The following DCAF7 variants were observed in gnomAD, a reference collection of about 807,000 sequenced individuals.
The protein encoded by DCAF7 is DDB1 and CUL4 associated factor 7.
A neutral mutation model predicts 41.2 loss-of-function variants in DCAF7; 4 were observed. The observed-to-expected ratio is 0.10, with a 90% CI of 0.05 to 0.22. DCAF7 has a LOEUF of 0.22. Ranked by LOEUF, DCAF7 falls within the 10% of genes least tolerant of loss-of-function variation. DCAF7 has a pLI of 1.00. For missense variants in DCAF7, 131 were observed against 443.2 expected, an observed-to-expected ratio of 0.30 and a Z score of 6.32; for synonymous variants, 143 against 164.2, an observed-to-expected ratio of 0.87 and a Z score of 0.99.
intron 1 of DCAF7, among the ~76,000 whole-genome samples, chr17:63,556,256 G>A (rs2033309381): frequency 6.6e-6 from 1 of 152,186 alleles, no homozygotes; most frequent in Admixed American, 6.5e-5. Flanking sequence ...TTCTTCTTCT[G>A]CACTAGGACT....
intron 2 of DCAF7, 128 bp from the exon 3 acceptor site, chr17:63,579,209 G>A: frequency 3.1e-6 from 2 of 642,226 alleles, no homozygotes; most frequent in Non-Finnish European, 5.3e-6. Flanking sequence ...GTTTATTACT[G>A]TTTTTGATAA....
intron 6 of DCAF7, among the ~76,000 whole-genome samples, chr17:63,588,736 A>G (rs1322900708): frequency 6.6e-6 from 1 of 152,192 alleles, no homozygotes; most frequent in African/African-American, 2.4e-5. Context: ...TGCAGTGGAT[A>G]GAGCCTGGGG....
In DCAF7 at chr17:63,591,300, C is replaced by T. The variant is rs538180787; in HGVS notation, c.*2128C>T. 1.3e-5 allele frequency: 2 copies of T among 152,226 alleles called. No homozygotes were observed. The highest frequency in any genetic ancestry group is 2.4e-5 in the African/African-American group (1 of 41,498). 9.4% of individuals were successfully genotyped at this position (152,226 alleles called of 1,614,324 possible). On this transcript the variant is annotated 3_prime_UTR_variant, in exon 7 of 7. Coordinates refer to ENST00000614556, the MANE Select transcript of DCAF7 (RefSeq NM_005828.5). ...CTAAGATTCCTTTCCTGATCTGCAC[C>T]TACGCCTGGTCTGTATGGTGGAATT...
chr17:63,574,595 A>G (rs73332095), intron 1 of DCAF7, among the ~76,000 whole-genome samples: 2,210 of 152,354 alleles, frequency 0.015, 54 homozygotes, highest in African/African-American at 0.049. Flanking sequence ...CTAATGTAGC[A>G]AAGTTATAGA....
chr17:63,559,419 ACG>A (rs72400743), intron 1 of DCAF7, among the ~76,000 whole-genome samples: 21,366 of 108,684 alleles, frequency 0.2, 2,420 homozygotes, highest in Middle Eastern at 0.33. Flanking sequence ...GTATATATAT[ACG>A]TATATATATA....
chr17:63,565,953 T>C (rs1280843675), intron 1 of DCAF7, among the ~76,000 whole-genome samples: 3 of 151,716 alleles, frequency 2.0e-5, no homozygotes, highest in East Asian at 1.9e-4. Flanking sequence ...ATACAAAAAT[T>C]AGCTGGGCAT....
chr17:63,588,189 A>ATTTTGTTTTTTTTTTTTTT (rs2033697479), intron 6 of DCAF7, among the ~76,000 whole-genome samples: 1 of 120,262 alleles, frequency 8.3e-6, no homozygotes, highest in African/African-American at 3.9e-5. Flanking sequence ...ATTTTCTTGG[A>ATTTTGTTTTTTTTTTTTTT]TTTTTTTTTT....
chr17:63,581,737 G>T (rs1023362232), intron 4 of DCAF7, among the ~76,000 whole-genome samples: 2 of 152,222 alleles, frequency 1.3e-5, no homozygotes, highest in African/African-American at 4.8e-5. Flanking sequence ...CGGCAGCCTT[G>T]TCTTGAAGGA....
intron 1 of DCAF7, among the ~76,000 whole-genome samples, chr17:63,551,788 T>G (rs2033257486): frequency 6.7e-6 from 1 of 150,272 alleles, no homozygotes; most frequent in African/African-American, 2.4e-5. Context: ...GGCTCACGCC[T>G]GTAATCCCAG....
At chr17:63,580,458 C>T (rs1024388869) in intron 4 of DCAF7, among the ~76,000 whole-genome samples, 3 of 137,596 alleles carry the variant, frequency 2.2e-5, no homozygotes, top group Middle Eastern at 3.8e-3. Flanking sequence ...ATTTTGATGG[C>T]GATGCTTCTG....
chr17:63,578,522 C>T lies in DCAF7; in HGVS notation c.191C>T (p.Thr64Ile). Residue 64 changes from threonine (T) to isoleucine (I), a missense_variant, in exon 2 of 7, where the codon ACC (threonine) becomes ATC (isoleucine). Physicochemically the swap from Thr to Ile is moderately conservative, Grantham distance 89 (BLOSUM62 -1). Coordinates refer to ENST00000614556, the MANE Select transcript of DCAF7 (RefSeq NM_005828.5). Reference protein sequence around the residue: ...EESSEFICRNTFDHPYPTTKL... With the variant: ...EESSEFICRNIFDHPYPTTKL... Reference sequence around the variant, plus strand: ...AGTTCAGAGTTTATTTGCAGAAACACCTTTGACCACCCATACCCCACCACA... The same window carrying T: ...AGTTCAGAGTTTATTTGCAGAAACATCTTTGACCACCCATACCCCACCACA... 2 of 1,614,026 alleles carry T rather than the reference C, an allele frequency of 1.2e-6. No individual in the cohort carries two copies. Among genetic ancestry groups the T allele is most frequent in the East Asian group, 2.2e-5 (1 of 44,894 alleles).
intron 3 of DCAF7, among the ~76,000 whole-genome samples, 168 bp from the exon 4 acceptor site, chr17:63,579,656 AG>A: frequency 6.6e-6 from 1 of 152,218 alleles, no homozygotes; most frequent in East Asian, 1.9e-4. Context: ...TCCTACGGTG[AG>A]GACTGAAGAC....
intron 1 of DCAF7, among the ~76,000 whole-genome samples, chr17:63,576,708 G>A (rs2033566212): frequency 6.6e-6 from 1 of 152,110 alleles, no homozygotes; most frequent in East Asian, 1.9e-4. Context: ...GAGCCCAGAA[G>A]TTCGAGGCCA....
intron 1 of DCAF7, among the ~76,000 whole-genome samples, chr17:63,567,298 G>A (rs1190359894): frequency 6.6e-6 from 1 of 152,050 alleles, no homozygotes; most frequent in Non-Finnish European, 1.5e-5. Context: ...AAATTTAAAT[G>A]GATATCTGAA....
At position 63,583,512 on chromosome 17, in the gene DCAF7, T is replaced by C; in HGVS notation, c.539T>C (p.Ile180Thr). 1 of 1,613,822 alleles carries C rather than the reference T, an allele frequency of 6.2e-7. No individual in the cohort carries two copies. Among genetic ancestry groups the C allele is most frequent in the Non-Finnish European group, 8.5e-7 (1 of 1,179,802 alleles). Residue 180 changes from isoleucine to threonine, a missense_variant, in exon 5 of 7, where the codon ATT (isoleucine) becomes ACT (threonine). Physicochemically the swap from Ile to Thr is moderately conservative, Grantham distance 89. Coordinates refer to ENST00000614556, the MANE Select transcript of DCAF7 (RefSeq NM_005828.5). ...CTTGTTCACCAACAGGTCTATGATATTGCATTTAGCCGGGCCGGGGGTGGC... is the reference window on the plus strand; with the variant it reads ...CTTGTTCACCAACAGGTCTATGATACTGCATTTAGCCGGGCCGGGGGTGGC... The part of the protein sequence containing the change: ...LIAHDKEVYD[I>T]AFSRAGGGRD...
Position 63,550,736 on chromosome 17 carries a change from A to T in DCAF7, c.59A>T (p.Tyr20Phe). Residue 20 changes from tyrosine to phenylalanine, a missense_variant, in exon 1 of 7, where the codon TAC becomes TTC. Physicochemically the swap from Tyr to Phe is conservative, Grantham distance 22. Coordinates refer to ENST00000614556, the MANE Select transcript of DCAF7 (RefSeq NM_005828.5). This position sits in a 1 kb window ranked among gnomAD's most constrained non-coding sequence, Gnocchi z 4.8. ...IYKYEAPWTV[Y>F]AMNWSVRPDK... Reference sequence around the variant, plus strand: ...AAGTATGAAGCGCCCTGGACAGTCTACGCGATGAACTGGAGTGTGCGGCCC... The same window carrying T: ...AAGTATGAAGCGCCCTGGACAGTCTTCGCGATGAACTGGAGTGTGCGGCCC... 1 of 1,613,906 alleles carries T rather than the reference A, an allele frequency of 6.2e-7. No individual in the cohort carries two copies.
intron 1 of DCAF7, among the ~76,000 whole-genome samples, chr17:63,578,046 G>A (rs1440664221): frequency 2.6e-5 from 4 of 152,138 alleles, no homozygotes; most frequent in Admixed American, 6.6e-5. Flanking sequence ...TGATTCTGCA[G>A]TTTAGTGTAG....
chr17:63,585,885 G>A (rs936321433), intron 6 of DCAF7, among the ~76,000 whole-genome samples: 1 of 152,164 alleles, frequency 6.6e-6, no homozygotes, highest in Admixed American at 6.5e-5. Flanking sequence ...ACTTTGGGAG[G>A]CTGAGGCGGG....
intron 1 of DCAF7, among the ~76,000 whole-genome samples, chr17:63,571,504 TG>T (rs1252834506): frequency 2.0e-5 from 3 of 152,106 alleles, no homozygotes; most frequent in African/African-American, 7.2e-5. Flanking sequence ...CTTTATGTGG[TG>T]GGATTTTAAT....
Sources: gnomAD v4.1 joint callset for allele counts (sites outside exome capture counted in the v4.1 genomes callset) on GRCh38, gnomAD v4.1.1 for gene constraint, Gnocchi (gnomAD v3.1) non-coding constraint, MANE v1.5 for transcripts, NCBI Gene and HGNC (gene_info 2026-07-23, HGNC 2026-07-21) for gene names.